Variants in PPIL2 observed in about 807,000 individuals in gnomAD.
The protein encoded by PPIL2 is RING-type E3 ubiquitin-protein ligase PPIL2.
A neutral mutation model predicts 75.2 loss-of-function variants in PPIL2; 50 were observed. That is an observed-to-expected ratio of 0.66 (90% CI 0.53 to 0.84). PPIL2 has a LOEUF of 0.84. Among genes scored for constraint, PPIL2 ranks in the 40% least tolerant of loss-of-function variants. The pLI, the probability that PPIL2 is intolerant of heterozygous loss-of-function variation, is 0.00. For synonymous variants in PPIL2, 245 were observed against 258.8 expected (o/e 0.95, Z 0.51); for missense variants, 590 against 685.0 (o/e 0.86, Z 1.55).
At chr22:21,676,091 C>T (rs555465472) in intron 6 of PPIL2, among the ~76,000 whole-genome samples, 1 of 152,196 alleles carries the variant, frequency 6.6e-6, no homozygotes, top group Non-Finnish European at 1.5e-5. Flanking sequence ...CCCTTTTGCC[C>T]CGCTTGTCTG....
At chr22:21,688,682 C>G (rs1391693910) in intron 14 of PPIL2, 50 bp from the exon 15 acceptor site, 23 of 1,571,954 alleles carry the variant, frequency 1.5e-5, no homozygotes, top group Non-Finnish European at 1.9e-5. Flanking sequence ...TCTAGTTCTG[C>G]CTCGGCTGGG....
In PPIL2 at chr22:21,696,762, A is replaced by G. The variant is rs972484907; in HGVS notation, c.*1272A>G. Reference sequence around the variant, plus strand: ...AACCTGTCAGCAACTTGCAGGCTGTACCTCTGCCCTTCCTTTTCTCATCAA... The same window carrying G: ...AACCTGTCAGCAACTTGCAGGCTGTGCCTCTGCCCTTCCTTTTCTCATCAA... On this transcript the variant is annotated 3_prime_UTR_variant, in exon 20 of 20. Transcript: ENST00000398831. 2.6e-6 allele frequency: 4 copies of G among 1,543,402 alleles called. No individual in the cohort carries two copies. The highest frequency in any genetic ancestry group is 3.5e-6 in the Non-Finnish European group (4 of 1,146,906).
chr22:21,696,783 A>T lies in PPIL2; in HGVS notation c.*1293A>T, dbSNP rs1214809669. The T allele has an allele frequency of 6.5e-7, 1 of 1,547,308 alleles. No homozygotes were observed. ...CTGTACCTCTGCCCTTCCTTTTCTC[A>T]TCAATCACTGATGCTGAAGCTGCAG... On this transcript the variant is annotated 3_prime_UTR_variant, in exon 20 of 20. Transcript: ENST00000398831.
intron 1 of PPIL2, among the ~76,000 whole-genome samples, chr22:21,668,638 TAAATA>T (rs1441300465): frequency 1.4e-5 from 2 of 141,044 alleles, no homozygotes; most frequent in African/African-American, 2.6e-5. Flanking sequence ...AAAAAAAAAA[TAAATA>T]AAATAAATAA....
At position 21,694,966 on chromosome 22, in the gene PPIL2, G is replaced by A. The variant is rs17852543; in HGVS notation, c.1362G>A (p.Lys454=). 38 of 1,613,806 alleles carry A rather than the reference G, an allele frequency of 2.4e-5. No homozygotes were observed. The highest frequency in any genetic ancestry group is 3.1e-5 in the Non-Finnish European group (37 of 1,180,010). Residue 454 remains lysine (K), a synonymous_variant, in exon 19 of 20, where the codon AAG becomes AAA. Transcript: ENST00000398831. ...CGCAGGAGCGGAAGACACAGCTCAA[G>A]GTAGCCCCGGAGACCAAAGTGAAGA... ...QIAQERKTQL[K]VAPETKVKSS... is the part of the protein sequence containing the mutation.
Position 21,696,491 on chromosome 22 carries a change from C to T in PPIL2, c.*1001C>T, listed in dbSNP as rs149668219. ...GATGGCCTTGGGCCAGCTGCATCAGCAGCCCTTAAAGAAAGACCCCTCCCT... is the reference window on the plus strand; with the variant it reads ...GATGGCCTTGGGCCAGCTGCATCAGTAGCCCTTAAAGAAAGACCCCTCCCT... On this transcript the variant is annotated 3_prime_UTR_variant, in exon 20 of 20. Coordinates refer to ENST00000398831, the MANE Select transcript of PPIL2 (RefSeq NM_014337.4). The T allele has an allele frequency of 0.012, 14,852 of 1,248,570 alleles. 109 individuals are homozygous for T. Among genetic ancestry groups the T allele is most frequent in the Middle Eastern group, 0.017 (49 of 2,932 alleles). 77.3% of individuals were successfully genotyped at this position (1,248,570 alleles called of 1,614,324 possible). A position where few individuals can be genotyped will look rare whatever the true frequency, so the allele number is the denominator to read the frequency against.
Position 21,682,869 on chromosome 22 carries a change from C to T in PPIL2, c.478-313C>T, listed in dbSNP as rs189081615. Among the ~76,000 whole-genome samples, 760 of 152,352 alleles carry T rather than the reference C, an allele frequency of 5.0e-3. 4 individuals are homozygous for T. Among genetic ancestry groups the T allele is most frequent in the African/African-American group, 0.017 (698 of 41,582 alleles). ...GGCTTGTCCCATTCTAACCAGAGGTCGGCCCACGGCTGCCCACGTTCCGGT... is the reference window on the plus strand; with the variant it reads ...GGCTTGTCCCATTCTAACCAGAGGTTGGCCCACGGCTGCCCACGTTCCGGT... On this transcript the variant is annotated intron_variant, in intron 8 of 19. Coordinates refer to ENST00000398831, the MANE Select transcript of PPIL2 (RefSeq NM_014337.4).
At position 21,694,946 on chromosome 22, in the gene PPIL2, G is replaced by A. The variant is rs2067855207; in HGVS notation, c.1342G>A (p.Glu448Lys). The A allele has an allele frequency of 6.2e-7, 1 of 1,613,718 alleles. No individual in the cohort carries two copies. The change falls in exon 19 of 20, where the codon GAG becomes AAG. Residue 448 changes from glutamate to lysine, a missense_variant. Physicochemically the swap from Glu to Lys is moderately conservative, Grantham distance 56. Coordinates refer to ENST00000398831, the MANE Select transcript of PPIL2 (RefSeq NM_014337.4). ...YEEADAQIAQERKTQLKVAPE... is the reference protein window; with the variant it reads ...YEEADAQIAQKRKTQLKVAPE... The stretch of plus-strand genomic sequence containing the variant: ...CCCTGTTGTGCCACAGATTGCGCAG[G>A]AGCGGAAGACACAGCTCAAGGTAGC...
downstream of PPIL2, chr22:21,699,449 G>A (rs1222001892): frequency 6.6e-6 from 1 of 152,368 alleles, no homozygotes; most frequent in Non-Finnish European, 1.5e-5. Context: ...CCCTTATGGG[G>A]TGCCCACTCC....
intron 6 of PPIL2, among the ~76,000 whole-genome samples, chr22:21,678,933 G>T (rs1488790473): frequency 3.2e-5 from 4 of 125,864 alleles, no homozygotes; most frequent in Non-Finnish European, 4.9e-5. Flanking sequence ...TTTCGCTCTT[G>T]TTCCCCAGGC....
chr22:21,667,226 G>C (rs1045003021), intron 1 of PPIL2, among the ~76,000 whole-genome samples: 7 of 138,446 alleles, frequency 5.1e-5, no homozygotes, highest in African/African-American at 1.6e-4. Context: ...GTGAGATCTT[G>C]GCTCACCGCA....
chr22:21,682,548 G>T, intron 8 of PPIL2, 22 bp downstream of exon 8: 1 of 1,545,054 alleles, frequency 6.5e-7, no homozygotes, highest in East Asian at 2.3e-5. Flanking sequence ...CTGCCTGCCT[G>T]CCCCAGCTGC....
At position 21,696,736 on chromosome 22, in the gene PPIL2, G is replaced by A. The variant is rs1383314889; in HGVS notation, c.*1246G>A. 6.5e-7 allele frequency: 1 copy of A among 1,538,806 alleles called. No homozygotes were observed. The highest frequency in any genetic ancestry group is 2.0e-5 in the Admixed American group (1 of 50,978). ...TCTCATTTTTGTTGCCCCAAATCTT[G>A]AACCTGTCAGCAACTTGCAGGCTGT... On this transcript the variant is annotated 3_prime_UTR_variant, in exon 20 of 20. Transcript: ENST00000398831.
intron 13 of PPIL2, 90 bp downstream of exon 13, chr22:21,687,822 G>A: frequency 2.2e-6 from 3 of 1,346,244 alleles, no homozygotes; most frequent in South Asian, 1.2e-5. Context: ...CCAGGGCCCT[G>A]GCCCATCCCA....
downstream of PPIL2, chr22:21,698,229 A>C (rs185976908): frequency 6.6e-6 from 1 of 151,228 alleles, no homozygotes; most frequent in African/African-American, 2.4e-5. Context: ...CCAACAAAAA[A>C]AAAGTGATAA....
At chr22:21,683,816 G>A (rs988750726) in intron 9 of PPIL2, among the ~76,000 whole-genome samples, 2 of 152,242 alleles carry the variant, frequency 1.3e-5, no homozygotes, top group African/African-American at 4.8e-5. Flanking sequence ...CCAGTAGGCA[G>A]CAGGCACCCT....
In PPIL2 at chr22:21,670,613, T is replaced by A. The variant is rs1241710381; in HGVS notation, c.128+2T>A. The A allele has an allele frequency of 6.2e-7, 1 of 1,608,946 alleles. No homozygotes were observed. Among genetic ancestry groups the A allele is most frequent in the Non-Finnish European group, 8.5e-7 (1 of 1,175,428 alleles). On this transcript the variant is annotated splice_donor_variant, in intron 3 of 19. Coordinates refer to ENST00000398831, the MANE Select transcript of PPIL2 (RefSeq NM_014337.4). LOFTEE classifies it high-confidence loss of function. ...TCGTTTACCTTTTGACCACTGCAGG[T>A]AAGAGTTTTGCGAGTTTACCTTTCC...
At chr22:21,677,047 C>T (rs2066896458) in intron 6 of PPIL2, among the ~76,000 whole-genome samples, 1 of 151,768 alleles carries the variant, frequency 6.6e-6, no homozygotes, top group South Asian at 2.1e-4. Flanking sequence ...CCACCTCCCT[C>T]CCGGACGGGG....
At chr22:21,669,874 A>G (rs374465000) in intron 1 of PPIL2, 39 bp from the exon 2 acceptor site, 7 of 1,580,938 alleles carry the variant, frequency 4.4e-6, no homozygotes, top group Non-Finnish European at 6.1e-6. Context: ...CCTCTTTATA[A>G]AGGTGGTGGT....
Sources: gnomAD v4.1 joint callset for allele counts (sites outside exome capture counted in the v4.1 genomes callset) on GRCh38, gnomAD v4.1.1 for gene constraint, MANE v1.5 for transcripts, NCBI Gene and HGNC (gene_info 2026-07-23, HGNC 2026-07-21) for gene names.